TEAD1: variants seen among roughly 807,000 people sequenced by gnomAD.
TEAD1 encodes transcriptional enhancer factor TEF-1.
In TEAD1, 9 loss-of-function variants were observed where a neutral mutation model predicts 54.9. That is an observed-to-expected ratio of 0.16 (90% CI 0.10 to 0.29). TEAD1 has a LOEUF of 0.29. Among genes scored for constraint, TEAD1 ranks in the 10% least tolerant of loss-of-function variants. TEAD1 has a pLI of 1.00. For missense variants in TEAD1, 387 were observed against 535.9 expected, an observed-to-expected ratio of 0.72 and a Z score of 2.74; for synonymous variants, 200 against 187.8, an observed-to-expected ratio of 1.07 and a Z score of -0.53.
At chr11:12,731,139 C>T (rs149179409) in intron 2 of TEAD1, among the ~76,000 whole-genome samples, 41 of 152,246 alleles carry the variant, frequency 2.7e-4, no homozygotes, top group Admixed American at 6.5e-4. Context: ...GAATCTTTAT[C>T]CATTAATCTG....
chr11:12,808,410 C>A (rs761112611), intron 3 of TEAD1, among the ~76,000 whole-genome samples: 16 of 152,190 alleles, frequency 1.1e-4, no homozygotes, highest in Non-Finnish European at 1.6e-4. Flanking sequence ...GTCTGACCAA[C>A]TACTTAGTTT....
chr11:12,914,440 T>C (rs773936717), intron 10 of TEAD1, among the ~76,000 whole-genome samples: 4 of 152,212 alleles, frequency 2.6e-5, no homozygotes, highest in African/African-American at 2.4e-5. Flanking sequence ...TGCTGTCTCA[T>C]CATTGGGTTG....
intron 3 of TEAD1, among the ~76,000 whole-genome samples, chr11:12,821,960 C>CTTTTTTTTTTTTTTTTTT (rs1590184847): frequency 2.6e-5 from 1 of 38,336 alleles, no homozygotes; most frequent in East Asian, 1.1e-3. Context: ...TTTCTCTTTT[C>CTTTTTTTTTTTTTTTTTT]CTTTTTTTTT....
intron 2 of TEAD1, among the ~76,000 whole-genome samples, chr11:12,706,462 C>T (rs751634246): frequency 3.3e-5 from 5 of 152,148 alleles, no homozygotes; most frequent in Non-Finnish European, 5.9e-5. Context: ...AAACATACTT[C>T]GTTTGTGATT....
At chr11:12,690,012 G>A (rs1471364266) in intron 2 of TEAD1, among the ~76,000 whole-genome samples, 2 of 152,008 alleles carry the variant, frequency 1.3e-5, no homozygotes, top group African/African-American at 4.8e-5. Context: ...AGGCCGAGGT[G>A]GGCGGATCAT....
chr11:12,749,896 G>A lies in TEAD1; in HGVS notation c.-54-14283G>A, dbSNP rs372980770. Among the ~76,000 whole-genome samples the A allele has an allele frequency of 1.8e-4, 27 of 152,278 alleles. No individual in the cohort carries two copies. The Middle Eastern group carries it at 0.014, about 77-fold the overall frequency. On this transcript the variant is annotated intron_variant, in intron 2 of 12. Coordinates refer to ENST00000527636, the MANE Select transcript of TEAD1 (RefSeq NM_021961.6). ...GAACTTGAACTGGATGTAAACCAAG[G>A]ACCAGGTTTACATTTTGAGGATTGG...
chr11:12,708,024 G>A lies in TEAD1; in HGVS notation c.-55+32463G>A, dbSNP rs113357972. Among the ~76,000 whole-genome samples, 305 of 152,136 alleles carry A rather than the reference G, an allele frequency of 2.0e-3. 1 individual carries two copies. Among genetic ancestry groups the A allele is most frequent in the African/African-American group, 6.5e-3 (270 of 41,518 alleles). On this transcript the variant is annotated intron_variant, in intron 2 of 12. Transcript: ENST00000527636. Reference sequence around the variant, plus strand: ...TCATAGAACTTTCTTTTCTGTTGTTGAGATCTGTGCTGTTGGTGCTGGTTC... The same window carrying A: ...TCATAGAACTTTCTTTTCTGTTGTTAAGATCTGTGCTGTTGGTGCTGGTTC...
intron 3 of TEAD1, among the ~76,000 whole-genome samples, chr11:12,816,349 G>C (rs755911893): frequency 6.6e-6 from 1 of 152,172 alleles, no homozygotes; most frequent in Non-Finnish European, 1.5e-5. Flanking sequence ...TCTTGTATAC[G>C]CTCTTGTTGT....
intron 10 of TEAD1, among the ~76,000 whole-genome samples, chr11:12,921,538 CAAAA>C (rs10684810): frequency 7.6e-6 from 1 of 130,782 alleles, no homozygotes; most frequent in Admixed American, 7.8e-5. Flanking sequence ...AACTCCATCT[CAAAA>C]AAAAAAAAAA....
chr11:12,686,536 TAGAA>T (rs984160102), intron 2 of TEAD1, among the ~76,000 whole-genome samples: 79 of 152,306 alleles, frequency 5.2e-4, no homozygotes, highest in African/African-American at 1.8e-3. Context: ...AAGTTTAATT[TAGAA>T]AGAAGTTTTT....
At chr11:12,833,555 A>G (rs376164912) in intron 3 of TEAD1, among the ~76,000 whole-genome samples, 1 of 152,056 alleles carries the variant, frequency 6.6e-6, no homozygotes, top group Non-Finnish European at 1.5e-5. Context: ...GAAAATGTGG[A>G]ATTTGCATTA....
chr11:12,729,062 A>G (rs1239779333), intron 2 of TEAD1, among the ~76,000 whole-genome samples: 1 of 152,194 alleles, frequency 6.6e-6, no homozygotes, highest in Non-Finnish European at 1.5e-5. Context: ...ATTCTCTCTA[A>G]TATTAGAGGA....
intron 9 of TEAD1, among the ~76,000 whole-genome samples, chr11:12,889,174 A>G (rs1948148642): frequency 6.6e-6 from 1 of 152,240 alleles, no homozygotes; most frequent in Admixed American, 6.5e-5. Context: ...TTGCATATCA[A>G]AGGATCTCAA....
intron 10 of TEAD1, among the ~76,000 whole-genome samples, chr11:12,918,612 G>A (rs1425605946): frequency 1.3e-5 from 2 of 151,866 alleles, no homozygotes; most frequent in Non-Finnish European, 2.9e-5. Flanking sequence ...TAAAATGCAC[G>A]TAGACTCTAT....
chr11:12,839,001 A>G (rs1360110175), intron 3 of TEAD1, among the ~76,000 whole-genome samples: 2 of 152,204 alleles, frequency 1.3e-5, no homozygotes, highest in Non-Finnish European at 2.9e-5. Flanking sequence ...AAGACACGTC[A>G]CCACACAAGC....
chr11:12,878,487 A>G (rs977297068), intron 5 of TEAD1, among the ~76,000 whole-genome samples: 1 of 152,140 alleles, frequency 6.6e-6, no homozygotes, highest in African/African-American at 2.4e-5. Context: ...CCTGGAATAT[A>G]GACCCTCTAT....
rs554703882 is a variant in TEAD1, at chr11:12,751,866, A to C, written c.-54-12313A>C. 5.3e-5 allele frequency among the ~76,000 whole-genome samples: 8 copies of C among 152,116 alleles called. No individual in the cohort carries two copies. The South Asian group carries it at 1.2e-3, about 24-fold the overall frequency. On this transcript the variant is annotated intron_variant, in intron 2 of 12. Coordinates refer to ENST00000527636, the MANE Select transcript of TEAD1 (RefSeq NM_021961.6). ...TTGCCGACCAAAACCACCTCTGAGC[A>C]CTCTCTGAGGGGCCTGCCAGTGTGG...
intron 5 of TEAD1, among the ~76,000 whole-genome samples, chr11:12,871,825 A>G (rs1947751757): frequency 6.6e-6 from 1 of 152,296 alleles, no homozygotes. Context: ...TCCGCTCGGC[A>G]GGAATACATC....
At chr11:12,840,263 G>GAAAAAAAAAAAAAAAA (rs1564959349) in intron 3 of TEAD1, among the ~76,000 whole-genome samples, 3 of 43,544 alleles carry the variant, frequency 6.9e-5, no homozygotes, top group East Asian at 9.5e-4. Context: ...AAAAAAAAAA[G>GAAAAAAAAAAAAAAAA]AAAAAAAAAA....
Sources: gnomAD v4.1 joint callset for allele counts (sites outside exome capture counted in the v4.1 genomes callset) on GRCh38, gnomAD v4.1.1 for gene constraint, MANE v1.5 for transcripts, NCBI Gene and HGNC (gene_info 2026-07-23, HGNC 2026-07-21) for gene names.